FCRL2: variants seen among roughly 807,000 people sequenced by gnomAD.
FCRL2 encodes Fc receptor-like protein 2.
Under a neutral mutation model 59.8 loss-of-function variants are expected in FCRL2, and 48 were observed. The observed-to-expected ratio is 0.80, with a 90% CI of 0.64 to 1.02. The LOEUF (loss-of-function observed/expected upper bound fraction) is 1.02. Ranked by LOEUF, FCRL2 falls within the 50% of genes least tolerant of loss-of-function variation. The probability of loss-of-function intolerance (pLI) is 0.00; values close to 1 mark genes in which losing one functional copy is unlikely to be tolerated. For missense variants in FCRL2, 658 were observed against 597.3 expected, an observed-to-expected ratio of 1.10 and a Z score of -1.06; for synonymous variants, 251 against 229.5, an observed-to-expected ratio of 1.09 and a Z score of -0.85.
intron 7 of FCRL2, among the ~76,000 whole-genome samples, chr1:157,757,813 T>A (rs972481491): frequency 1.3e-5 from 2 of 152,202 alleles, no homozygotes; most frequent in African/African-American, 2.4e-5. Flanking sequence ...ATACAAAAAA[T>A]TAGCCAGGCG....
chr1:157,757,729 G>A (rs540311360), intron 7 of FCRL2, among the ~76,000 whole-genome samples: 1 of 152,202 alleles, frequency 6.6e-6, no homozygotes, highest in Non-Finnish European at 1.5e-5. Flanking sequence ...TCGGGAGGCC[G>A]ATGCAGGTGA....
chr1:157,767,657 A>C, intron 5 of FCRL2, 148 bp from the exon 6 acceptor site: 1 of 1,601,716 alleles, frequency 6.2e-7, no homozygotes, highest in East Asian at 2.2e-5. Context: ...GTTAGAGATA[A>C]TTTTCTCAAC....
intron 3 of FCRL2, 30 bp from the exon 4 acceptor site, chr1:157,770,180 A>G (rs1254217935): frequency 4.4e-6 from 7 of 1,601,188 alleles, no homozygotes; most frequent in Non-Finnish European, 6.0e-6. Flanking sequence ...TAGTCCCCAA[A>G]GCAGTGACAG....
chr1:157,776,956 T>C (rs1318506546), intron 1 of FCRL2, 87 bp downstream of exon 1: 3 of 1,315,526 alleles, frequency 2.3e-6, no homozygotes, highest in Non-Finnish European at 3.3e-6. Flanking sequence ...CACCAGTCCC[T>C]GGGCTCCAAT....
chr1:157,768,181 C>T (rs189273993), intron 5 of FCRL2: 8 of 501,334 alleles, frequency 1.6e-5, no homozygotes, highest in African/African-American at 9.6e-5. Flanking sequence ...ATCATCCTAT[C>T]GTAGGATTGC....
At chr1:157,754,744 T>C (rs769437444) in intron 7 of FCRL2, among the ~76,000 whole-genome samples, 15 of 152,036 alleles carry the variant, frequency 9.9e-5, no homozygotes, top group Non-Finnish European at 2.1e-4. Context: ...GACTGGTAGA[T>C]CACTTGAGCT....
At chr1:157,754,962 T>C (rs1480524394) in intron 7 of FCRL2, among the ~76,000 whole-genome samples, 2 of 150,264 alleles carry the variant, frequency 1.3e-5, no homozygotes, top group Non-Finnish European at 3.0e-5. Context: ...AGAGACTCTG[T>C]CTCAAAAAAA....
chr1:157,767,201 A>G, intron 6 of FCRL2, 30 bp downstream of exon 6: 1 of 1,589,258 alleles, frequency 6.3e-7, no homozygotes, highest in Non-Finnish European at 8.6e-7. Context: ...CATTGACATC[A>G]AACTCTGTAT....
intron 7 of FCRL2, among the ~76,000 whole-genome samples, chr1:157,761,868 T>C (rs1353020991): frequency 6.6e-6 from 1 of 152,196 alleles, no homozygotes; most frequent in Non-Finnish European, 1.5e-5. Flanking sequence ...TTGTAAAAGG[T>C]AGATGTCTTC....
rs1649924260 is a variant in FCRL2, at chr1:157,770,529, A to AT, written c.189dup (p.Phe64IlefsTer13). ...GCACTTTGGATAAGGAAATCTGAGA[A>AT]TTTTTTGAAAACAGATAACTCTTTG... On this transcript the variant is annotated frameshift_variant, in exon 3 of 12. Transcript: ENST00000361516. LOFTEE classifies it high-confidence loss of function. 9 of 1,614,218 alleles carry AT rather than the reference A, an allele frequency of 5.6e-6. No individual in the cohort carries two copies. The East Asian group carries it at 2.0e-4, about 36-fold the overall frequency.
At chr1:157,759,325 G>C (rs959113463) in intron 7 of FCRL2, among the ~76,000 whole-genome samples, 1 of 152,126 alleles carries the variant, frequency 6.6e-6, no homozygotes, top group Non-Finnish European at 1.5e-5. Flanking sequence ...AGCACTGTGA[G>C]AACAGACTAA....
chr1:157,746,985 A>G (rs1487194786), intron 10 of FCRL2, 86 bp from the exon 11 acceptor site: 1 of 1,352,270 alleles, frequency 7.4e-7, no homozygotes. Flanking sequence ...GCATAGAACT[A>G]CTATGCTTAG....
intron 7 of FCRL2, among the ~76,000 whole-genome samples, chr1:157,751,486 A>G (rs1376566999): frequency 1.3e-5 from 2 of 152,232 alleles, no homozygotes; most frequent in African/African-American, 4.8e-5. Context: ...GTGTGGACAC[A>G]TGCCTGAAAA....
chr1:157,771,124 A>T (rs1216496073), intron 2 of FCRL2, among the ~76,000 whole-genome samples: 1 of 152,136 alleles, frequency 6.6e-6, no homozygotes, highest in Non-Finnish European at 1.5e-5. Flanking sequence ...CCCACCTACA[A>T]ATACCATCAC....
Position 157,776,759 on chromosome 1 carries a change from T to TATATTACTCA in FCRL2, c.31+274_31+283dup, listed in dbSNP as rs60269516. 8.3e-3 allele frequency among the ~76,000 whole-genome samples: 1,265 copies of TATATTACTCA among 152,270 alleles called. 12 individuals are homozygous for TATATTACTCA. The highest frequency in any genetic ancestry group is 0.028 in the African/African-American group (1,175 of 41,540). On this transcript the variant is annotated intron_variant, in intron 1 of 11. Coordinates refer to ENST00000361516, the MANE Select transcript of FCRL2 (RefSeq NM_030764.4). The stretch of plus-strand genomic sequence containing the variant: ...TATGAACATTTTACTATGAGAACAT[T>TATATTACTCA]ATATTACTCAATGAGATCTAAGATA...
intron 2 of FCRL2, among the ~76,000 whole-genome samples, chr1:157,772,760 C>T (rs1265416212): frequency 6.6e-6 from 1 of 152,190 alleles, no homozygotes; most frequent in Non-Finnish European, 1.5e-5. Context: ...AGTATTTTTA[C>T]CTTTTTCATG....
At chr1:157,764,123 G>C (rs1229551221) in intron 7 of FCRL2, among the ~76,000 whole-genome samples, 1 of 151,412 alleles carries the variant, frequency 6.6e-6, no homozygotes, top group African/African-American at 2.4e-5. Flanking sequence ...AGAATCACTT[G>C]AACCCAGGAG....
In FCRL2 at chr1:157,764,160, C is replaced by T. The variant is rs555967101; in HGVS notation, c.1279+2695G>A. ...TGGAGGTTGCAGTGAGCAGAGATTG[C>T]GCCACCGCACTCCAGCCTGGCGACA... On this transcript the variant is annotated intron_variant, in intron 7 of 11. Coordinates refer to ENST00000361516, the MANE Select transcript of FCRL2 (RefSeq NM_030764.4). Among the ~76,000 whole-genome samples the T allele has an allele frequency of 5.0e-4, 75 of 151,250 alleles. 1 individual carries two copies. The Middle Eastern group carries it at 0.017, about 35-fold the overall frequency.
intron 7 of FCRL2, among the ~76,000 whole-genome samples, chr1:157,750,180 G>A (rs1291510078): frequency 6.6e-6 from 1 of 152,168 alleles, no homozygotes; most frequent in Non-Finnish European, 1.5e-5. Context: ...GCCATCTCTT[G>A]TACCATTTTG....
Sources: allele counts gnomAD v4.1 joint callset (sites outside exome capture counted in the v4.1 genomes callset), GRCh38; gene constraint gnomAD v4.1.1; transcripts MANE v1.5; gene names NCBI Gene and HGNC (gene_info 2026-07-23, HGNC 2026-07-21).